Variants in LDB2 observed in about 807,000 individuals in gnomAD.
LDB2 encodes the protein LIM domain-binding protein 2.
A neutral mutation model predicts 44.3 loss-of-function variants in LDB2; 12 were observed. The ratio of observed to expected loss-of-function variants is 0.27; its 90% CI spans 0.17 to 0.44. The LOEUF (loss-of-function observed/expected upper bound fraction) is 0.44, where lower values mean the gene tolerates loss of function less well. Ranked by LOEUF, LDB2 falls within the 20% of genes least tolerant of loss-of-function variation. The pLI is 1.00. For missense variants in LDB2, 344 were observed against 473.5 expected (o/e 0.73, Z 2.54); for synonymous variants, 164 against 174.8 (o/e 0.94, Z 0.49).
intron 2 of LDB2, among the ~76,000 whole-genome samples, chr4:16,695,420 G>A (rs1245115796): frequency 3.3e-5 from 5 of 150,304 alleles, no homozygotes; most frequent in Non-Finnish European, 5.9e-5. Context: ...AGATCACACC[G>A]CTGCACTCCA....
intron 2 of LDB2, among the ~76,000 whole-genome samples, chr4:16,691,013 A>G (rs559252857): frequency 2.1e-3 from 326 of 152,298 alleles, no homozygotes; most frequent in African/African-American, 7.6e-3. Context: ...ATCATCTATT[A>G]TAGTCCAGGC....
rs145395782 is a variant in LDB2, at chr4:16,538,325, C to A, written c.616-26221G>T. Among the ~76,000 whole-genome samples, 4 of 152,182 alleles carry A rather than the reference C, an allele frequency of 2.6e-5. No homozygotes were observed. In the East Asian group the frequency reaches 7.7e-4, roughly 29 times the overall value. On this transcript the variant is annotated intron_variant, in intron 5 of 7. Coordinates refer to ENST00000304523, the MANE Select transcript of LDB2 (RefSeq NM_001290.5). The stretch of plus-strand genomic sequence containing the variant: ...GTGTGTGACCTGTGAAATGAAAAAT[C>A]CCTGCTCTGTGCCCAGAGGCTTCCA...
chr4:16,560,497 C>A (rs1206416046), intron 5 of LDB2, among the ~76,000 whole-genome samples: 1 of 152,138 alleles, frequency 6.6e-6, no homozygotes, highest in Non-Finnish European at 1.5e-5. Context: ...GACACATACA[C>A]CCTCCCCAGA....
At chr4:16,555,370 C>T (rs911047776) in intron 5 of LDB2, among the ~76,000 whole-genome samples, 13 of 152,296 alleles carry the variant, frequency 8.5e-5, no homozygotes, top group African/African-American at 2.6e-4. Context: ...TACCGCCCTG[C>T]GAATGCCTCA....
chr4:16,512,935 TA>T (rs1722344606), intron 5 of LDB2, among the ~76,000 whole-genome samples: 1 of 152,218 alleles, frequency 6.6e-6, no homozygotes, highest in South Asian at 2.1e-4. Flanking sequence ...CTCATCAGAA[TA>T]CCACTGCATT....
At chr4:16,611,597 A>C (rs991146189) in intron 2 of LDB2, among the ~76,000 whole-genome samples, 2 of 152,162 alleles carry the variant, frequency 1.3e-5, no homozygotes, top group Non-Finnish European at 2.9e-5. Flanking sequence ...TAAACCAACA[A>C]AGGTCAAAAA....
chr4:16,849,261 G>C (rs1416927036), intron 1 of LDB2, among the ~76,000 whole-genome samples: 4 of 152,136 alleles, frequency 2.6e-5, no homozygotes, highest in Non-Finnish European at 5.9e-5. Flanking sequence ...CTTCCCCTGG[G>C]AGGACTTCTG....
intron 5 of LDB2, among the ~76,000 whole-genome samples, chr4:16,566,791 A>C (rs1348155485): frequency 6.6e-6 from 1 of 152,192 alleles, no homozygotes; most frequent in African/African-American, 2.4e-5. Context: ...AACATCCTAC[A>C]TATCTGTAAG....
intron 5 of LDB2, among the ~76,000 whole-genome samples, chr4:16,544,632 G>T (rs953536054): frequency 6.6e-6 from 1 of 152,176 alleles, no homozygotes; most frequent in Non-Finnish European, 1.5e-5. Context: ...TTCCCAACAG[G>T]GTAGATGGGG....
At chr4:16,824,221 A>G (rs28660263) in intron 1 of LDB2, among the ~76,000 whole-genome samples, 5 of 151,404 alleles carry the variant, frequency 3.3e-5, no homozygotes, top group African/African-American at 9.7e-5. Flanking sequence ...GTGTGTGTGT[A>G]TGTGTGTGTG....
In LDB2 at chr4:16,643,938, C is replaced by A. The variant is rs1735927157; in HGVS notation, c.236-48063G>T. Among the ~76,000 whole-genome samples, 3 of 152,166 alleles carry A rather than the reference C, an allele frequency of 2.0e-5. 1 individual carries two copies. The South Asian group carries it at 6.2e-4, about 32-fold the overall frequency. On this transcript the variant is annotated intron_variant, in intron 2 of 7. Coordinates refer to ENST00000304523, the MANE Select transcript of LDB2 (RefSeq NM_001290.5). ...ATGGCAAATATAGCACCTAACCATG[C>A]TTTTTCATTGTTTCTTTGGTCTCTC...
At chr4:16,758,348 A>G (rs1439795682) in intron 2 of LDB2, among the ~76,000 whole-genome samples, 1 of 152,172 alleles carries the variant, frequency 6.6e-6, no homozygotes, top group Non-Finnish European at 1.5e-5. Flanking sequence ...TGGTTCCCTC[A>G]TCATTTCAGT....
At chr4:16,713,271 C>T (rs980795520) in intron 2 of LDB2, among the ~76,000 whole-genome samples, 7 of 152,116 alleles carry the variant, frequency 4.6e-5, no homozygotes, top group Non-Finnish European at 2.9e-5. Context: ...GTGCTAGTTG[C>T]ACAACTCTGT....
chr4:16,865,382 A>C (rs921816881), intron 1 of LDB2, among the ~76,000 whole-genome samples: 1 of 152,138 alleles, frequency 6.6e-6, no homozygotes, highest in Non-Finnish European at 1.5e-5. Flanking sequence ...TGCATTCTTC[A>C]CAGGAAGGAA....
chr4:16,761,933 C>G (rs565443553), intron 1 of LDB2, among the ~76,000 whole-genome samples: 33 of 152,140 alleles, frequency 2.2e-4, no homozygotes, highest in Admixed American at 2.0e-3. Context: ...ACCTGAGGGT[C>G]AGGAGTTCGA....
chr4:16,542,114 G>T, intron 5 of LDB2, among the ~76,000 whole-genome samples: 1 of 137,970 alleles, frequency 7.2e-6, no homozygotes, highest in Non-Finnish European at 1.6e-5. Context: ...GGGGGGGGGC[G>T]CGAGCAGGAG....
At chr4:16,850,947 AGTGTGTGTGTGTGTGT>A (rs71181193) in intron 1 of LDB2, among the ~76,000 whole-genome samples, 1 of 143,072 alleles carries the variant, frequency 7.0e-6, no homozygotes, top group Non-Finnish European at 1.5e-5. Flanking sequence ...TAAAACCATA[AGTGTGTGTGTGTGTGT>A]GTGTGTGTGT....
In LDB2 at chr4:16,791,219, G is replaced by A. The variant is rs540607533; in HGVS notation, c.133-31959C>T. Among the ~76,000 whole-genome samples, 14 of 151,972 alleles carry A rather than the reference G, an allele frequency of 9.2e-5. No homozygotes were observed. The South Asian group carries it at 2.9e-3, about 32-fold the overall frequency. On this transcript the variant is annotated intron_variant, in intron 1 of 7. Transcript: ENST00000304523. ...TTGTTGTGAACTCAAACCTAAAAGGGGATTGTCAAATCAGGCTTACAAAAC... is the reference window on the plus strand; with the variant it reads ...TTGTTGTGAACTCAAACCTAAAAGGAGATTGTCAAATCAGGCTTACAAAAC...
intron 2 of LDB2, among the ~76,000 whole-genome samples, chr4:16,660,141 A>G (rs1430394808): frequency 6.6e-6 from 1 of 152,182 alleles, no homozygotes; most frequent in Non-Finnish European, 1.5e-5. Flanking sequence ...CCCTAAAGAT[A>G]AAGAGATAGT....
Sources: allele counts gnomAD v4.1 joint callset (sites outside exome capture counted in the v4.1 genomes callset), GRCh38; gene constraint gnomAD v4.1.1; transcripts MANE v1.5; gene names NCBI Gene and HGNC (gene_info 2026-07-23, HGNC 2026-07-21).